RUNX2: variants seen among roughly 807,000 people sequenced by gnomAD.
RUNX2 encodes runt-related transcription factor 2.
RUNX2 carries 10 observed loss-of-function variants against 51.7 expected under a neutral mutation model. That is an observed-to-expected ratio of 0.19 (90% CI 0.12 to 0.33). The LOEUF (loss-of-function observed/expected upper bound fraction) is 0.33. Ranked by LOEUF, RUNX2 falls within the 10% of genes least tolerant of loss-of-function variation. The pLI is 1.00. For synonymous variants in RUNX2, 276 were observed against 273.6 expected, an observed-to-expected ratio of 1.01 and a Z score of -0.09; for missense variants, 562 against 691.3, an observed-to-expected ratio of 0.81 and a Z score of 2.10.
chr6:45,401,895 T>A (rs1262704258), intron 2 of RUNX2, among the ~76,000 whole-genome samples: 1 of 152,252 alleles, frequency 6.6e-6, no homozygotes, highest in Non-Finnish European at 1.5e-5. Flanking sequence ...AACTCATGTA[T>A]CCTTGTCAAC....
At chr6:45,340,544 G>T (rs141420221) in intron 2 of RUNX2, among the ~76,000 whole-genome samples, 19 of 151,904 alleles carry the variant, frequency 1.3e-4, no homozygotes, top group Admixed American at 1.1e-3. Flanking sequence ...GGCTGGTCTC[G>T]AACTACTGGG....
intron 5 of RUNX2, among the ~76,000 whole-genome samples, chr6:45,466,800 G>C (rs1448854847): frequency 6.6e-6 from 1 of 152,130 alleles, no homozygotes; most frequent in African/African-American, 2.4e-5. Context: ...GCTCATCATA[G>C]AACCTTAGAG....
In RUNX2 at chr6:45,368,221, G is replaced by C. The variant is rs113903014; in HGVS notation, c.58+39437G>C. Among the ~76,000 whole-genome samples the C allele has an allele frequency of 6.3e-3, 953 of 152,186 alleles. 14 individuals carry two copies. Among genetic ancestry groups the C allele is most frequent in the African/African-American group, 0.022 (913 of 41,530 alleles). On this transcript the variant is annotated intron_variant, in intron 2 of 8. Coordinates refer to ENST00000647337, the MANE Select transcript of RUNX2 (RefSeq NM_001024630.4). ...AAATGAATTCAGATGTGCAGATTGG[G>C]ACCTAGATTATTTCAACATGCCAGA... is the stretch of plus-strand genomic sequence containing the variant.
chr6:45,509,368 G>C (rs954957881), intron 6 of RUNX2, among the ~76,000 whole-genome samples: 2 of 152,104 alleles, frequency 1.3e-5, no homozygotes, highest in African/African-American at 4.8e-5. Context: ...TGTGCTAAGA[G>C]TGCCAGGTAC....
intron 5 of RUNX2, among the ~76,000 whole-genome samples, chr6:45,488,551 C>T (rs1800354349): frequency 6.6e-6 from 1 of 152,140 alleles, no homozygotes; most frequent in South Asian, 2.1e-4. Context: ...TCAATCCTGG[C>T]TGCAGATTGG....
chr6:45,370,938 A>C (rs752660520), intron 2 of RUNX2, among the ~76,000 whole-genome samples: 7 of 152,198 alleles, frequency 4.6e-5, no homozygotes, highest in East Asian at 1.9e-4. Context: ...TTCTTTGCAA[A>C]AACAGTCCCT....
At chr6:45,398,302 A>T (rs981454058) in intron 2 of RUNX2, among the ~76,000 whole-genome samples, 1 of 152,186 alleles carries the variant, frequency 6.6e-6, no homozygotes, top group Non-Finnish European at 1.5e-5. Context: ...CCTGATCACA[A>T]TAAGTGCTCA....
chr6:45,549,479 G>A lies in RUNX2; in HGVS notation c.*2174G>A. 2.5e-6 allele frequency: 1 copy of A among 397,900 alleles called. No homozygotes were observed. The highest frequency in any genetic ancestry group is 1.4e-4 in the South Asian group (1 of 7,258). The allele number at this position is 397,900 out of a possible 1,614,324, so 24.6% of individuals were successfully genotyped here. On this transcript the variant is annotated 3_prime_UTR_variant, in exon 9 of 9. Coordinates refer to ENST00000647337, the MANE Select transcript of RUNX2 (RefSeq NM_001024630.4). ...CTTCTAAAGGCCGTATACCAAGTAT[G>A]CTTAGATAAATAAGCCACTTTTCTA...
At chr6:45,338,344 T>TA (rs34686255) in intron 2 of RUNX2, among the ~76,000 whole-genome samples, 199 of 147,712 alleles carry the variant, frequency 1.3e-3, no homozygotes, top group African/African-American at 4.0e-3. Context: ...GTAGCTCTCA[T>TA]AAAAAAAAAA....
chr6:45,505,669 G>GA (rs1353794635), intron 6 of RUNX2, among the ~76,000 whole-genome samples: 10 of 152,116 alleles, frequency 6.6e-5, no homozygotes, highest in Admixed American at 2.6e-4. Flanking sequence ...TGAGACAGAG[G>GA]AACCACCCCT....
At chr6:45,494,244 C>T (rs746995175) in intron 6 of RUNX2, among the ~76,000 whole-genome samples, 6 of 152,216 alleles carry the variant, frequency 3.9e-5, no homozygotes, top group Non-Finnish European at 5.9e-5. Context: ...GTGGCCACCT[C>T]CACAGGCCTG....
At chr6:45,431,770 C>A (rs1171018949) in intron 3 of RUNX2, 93 bp from the exon 4 acceptor site, 2 of 1,424,864 alleles carry the variant, frequency 1.4e-6, no homozygotes, top group Admixed American at 1.7e-5. Context: ...ACACTAAGTC[C>A]TGATAAGACA....
intron 5 of RUNX2, among the ~76,000 whole-genome samples, chr6:45,454,822 C>T (rs1384977309): frequency 1.3e-5 from 2 of 152,130 alleles, no homozygotes; most frequent in African/African-American, 4.8e-5. Flanking sequence ...TTCAGGAAAA[C>T]ACAGTCTCAG....
chr6:45,513,074 T>C (rs907368557), intron 7 of RUNX2, among the ~76,000 whole-genome samples: 4 of 152,130 alleles, frequency 2.6e-5, no homozygotes, highest in Non-Finnish European at 5.9e-5. Context: ...GTGTGGCCCA[T>C]GGGGAGAGTG....
At chr6:45,432,553 G>A (rs1798571217) in intron 4 of RUNX2, among the ~76,000 whole-genome samples, 3 of 151,980 alleles carry the variant, frequency 2.0e-5, no homozygotes, top group Admixed American at 2.0e-4. Flanking sequence ...AGTGAATAAT[G>A]TATTACTTAT....
intron 2 of RUNX2, among the ~76,000 whole-genome samples, chr6:45,404,685 G>A (rs1797795498): frequency 6.6e-6 from 1 of 152,160 alleles, no homozygotes; most frequent in South Asian, 2.1e-4. Flanking sequence ...ATAGACCAGA[G>A]GCCAAACTTC....
intron 2 of RUNX2, chr6:45,420,939 A>G (rs1483289511): frequency 6.6e-6 from 1 of 152,162 alleles, no homozygotes; most frequent in East Asian, 1.9e-4. Flanking sequence ...CCCAGCCTCC[A>G]AAAACCACAT....
chr6:45,445,301 G>A (rs1201917614), intron 5 of RUNX2, among the ~76,000 whole-genome samples: 1 of 152,186 alleles, frequency 6.6e-6, no homozygotes, highest in Non-Finnish European at 1.5e-5. Context: ...TGGGATTATA[G>A]GTGTGAGCCA....
chr6:45,480,567 G>A (rs568221341), intron 5 of RUNX2, among the ~76,000 whole-genome samples: 40 of 152,320 alleles, frequency 2.6e-4, no homozygotes, highest in African/African-American at 9.4e-4. Flanking sequence ...GGTAACCACA[G>A]AGCTCAGCTG....
Sources: gnomAD v4.1 joint callset for allele counts (sites outside exome capture counted in the v4.1 genomes callset) on GRCh38, gnomAD v4.1.1 for gene constraint, MANE v1.5 for transcripts, NCBI Gene and HGNC (gene_info 2026-07-23, HGNC 2026-07-21) for gene names.